ITPR2: variants seen among roughly 807,000 people sequenced by gnomAD.
ITPR2 encodes inositol 1,4,5-trisphosphate receptor type 2, also known as inositol 1,4,5-trisphosphate-gated calcium channel ITPR2.
A neutral mutation model predicts 317.1 loss-of-function variants in ITPR2; 207 were observed. The observed-to-expected ratio is 0.65, with a 90% confidence interval of 0.58 to 0.73. The LOEUF (loss-of-function observed/expected upper bound fraction) is 0.73, where lower values mean the gene tolerates loss of function less well. Among genes scored for constraint, ITPR2 ranks in the 30% least tolerant of loss-of-function variants. ITPR2 has a pLI of 0.00. For synonymous variants in ITPR2, 1,156 were observed against 1,149.1 expected (o/e 1.01, Z -0.12); for missense variants, 2,613 against 3,284.0 (o/e 0.80, Z 4.99).
chr12:26,556,248 C>A lies in ITPR2; in HGVS notation c.4949G>T (p.Gly1650Val). 1 of 1,613,626 alleles carries A rather than the reference C, an allele frequency of 6.2e-7. No individual in the cohort carries two copies. Reference sequence around the variant, plus strand: ...ATCCACTTACTTCGACATGAAAGCGCCACATCTTATTCTTGCATCGCTTCC... The same window carrying A: ...ATCCACTTACTTCGACATGAAAGCGACACATCTTATTCTTGCATCGCTTCC... ...PEGSDARIRC[G>V]AFMSKLINHT... The change falls in exon 36 of 57, where the codon GGC becomes GTC. Residue 1650 changes from glycine (G) to valine (V), a missense_variant. Physicochemically the swap from Gly to Val is moderately radical, Grantham distance 109. Around this residue, in one of 9 missense-constraint regions of ITPR2, gnomAD observed 926 missense variants for 1,072.8 expected, o/e 0.86. Coordinates refer to ENST00000381340, the MANE Select transcript of ITPR2 (RefSeq NM_002223.4).
chr12:26,409,489 T>G (rs1191902210), intron 52 of ITPR2, among the ~76,000 whole-genome samples: 1 of 152,208 alleles, frequency 6.6e-6, no homozygotes, highest in Non-Finnish European at 1.5e-5. Flanking sequence ...CCTATGCATT[T>G]CTGGCACCCT....
chr12:26,511,875 G>T (rs1156449300), intron 37 of ITPR2, among the ~76,000 whole-genome samples: 2 of 152,026 alleles, frequency 1.3e-5, no homozygotes, highest in African/African-American at 4.8e-5. Flanking sequence ...TCGCCCTCAG[G>T]CCCCATCAGT....
intron 13 of ITPR2, among the ~76,000 whole-genome samples, chr12:26,674,265 T>C (rs545274505): frequency 2.2e-4 from 34 of 152,042 alleles, no homozygotes; most frequent in African/African-American, 7.7e-4. Flanking sequence ...AGAACAAAGC[T>C]GGAGGCATCA....
intron 54 of ITPR2, among the ~76,000 whole-genome samples, chr12:26,389,818 G>C (rs1444658556): frequency 6.6e-6 from 1 of 152,074 alleles, no homozygotes; most frequent in Non-Finnish European, 1.5e-5. Context: ...AAATGATTGT[G>C]TAAGAAAAAG....
chr12:26,672,018 C>T (rs1448263363), intron 13 of ITPR2, among the ~76,000 whole-genome samples: 1 of 151,996 alleles, frequency 6.6e-6, no homozygotes, highest in Non-Finnish European at 1.5e-5. Flanking sequence ...AATATATATG[C>T]ACCCAATACA....
intron 34 of ITPR2, among the ~76,000 whole-genome samples, chr12:26,568,676 G>C (rs547461419): frequency 2.0e-5 from 3 of 152,258 alleles, no homozygotes; most frequent in East Asian, 3.9e-4. Flanking sequence ...TGACAGGTAG[G>C]GGGGAAAGGC....
intron 2 of ITPR2, among the ~76,000 whole-genome samples, chr12:26,777,626 T>G (rs1046382784): frequency 6.6e-6 from 1 of 152,158 alleles, no homozygotes; most frequent in East Asian, 1.9e-4. Context: ...AATTGATAAA[T>G]GCATTCCTAC....
chr12:26,706,292 T>G (rs142352189), intron 9 of ITPR2, among the ~76,000 whole-genome samples: 1 of 152,214 alleles, frequency 6.6e-6, no homozygotes, highest in East Asian at 1.9e-4. Flanking sequence ...TCTGGAGTGG[T>G]CTTCTTTAAT....
chr12:26,565,268 G>C (rs1357222935), intron 34 of ITPR2, among the ~76,000 whole-genome samples: 1 of 152,046 alleles, frequency 6.6e-6, no homozygotes, highest in African/African-American at 2.4e-5. Context: ...AGAAACAAAT[G>C]AAAAAAGATC....
chr12:26,576,491 A>G (rs1945280061), intron 34 of ITPR2, among the ~76,000 whole-genome samples: 1 of 152,110 alleles, frequency 6.6e-6, no homozygotes, highest in African/African-American at 2.4e-5. Context: ...TTCAGTTCTA[A>G]AATCTTTAGG....
At chr12:26,734,248 T>C (rs4489841) in intron 2 of ITPR2, among the ~76,000 whole-genome samples, 2 of 152,222 alleles carry the variant, frequency 1.3e-5, no homozygotes, top group African/African-American at 2.4e-5. Context: ...CCCATCTTCA[T>C]AATTCAATAG....
Position 26,415,246 on chromosome 12 carries a change from C to T in ITPR2, c.7306+57G>A, listed in dbSNP as rs1940684801. On this transcript the variant is annotated intron_variant, in intron 51 of 56. Coordinates refer to ENST00000381340, the MANE Select transcript of ITPR2 (RefSeq NM_002223.4). ...GTTTATCTATGATCCTGTTAACAAG[C>T]TACACACAAGTCATATCTGCCATCA... The T allele has an allele frequency of 3.6e-6, 4 of 1,119,066 alleles. No homozygotes were observed. The Admixed American group carries it at 9.3e-5, about 26-fold the overall frequency. 69.3% of individuals were successfully genotyped at this position (1,119,066 alleles called of 1,614,324 possible).
intron 2 of ITPR2, among the ~76,000 whole-genome samples, chr12:26,728,669 C>G (rs1002793847): frequency 1.3e-5 from 2 of 152,180 alleles, no homozygotes; most frequent in African/African-American, 4.8e-5. Flanking sequence ...GGGCTGGTCA[C>G]ACATTTTGTC....
At chr12:26,428,624 G>C (rs1214722220) in intron 48 of ITPR2, among the ~76,000 whole-genome samples, 1 of 152,082 alleles carries the variant, frequency 6.6e-6, no homozygotes, top group East Asian at 1.9e-4. Context: ...GTGCATGAGT[G>C]TGTGTATTTG....
chr12:26,466,454 A>G (rs1591808503), intron 45 of ITPR2, among the ~76,000 whole-genome samples: 1 of 152,200 alleles, frequency 6.6e-6, no homozygotes, highest in Non-Finnish European at 1.5e-5. Flanking sequence ...TTTCCTTCTC[A>G]TGGCTTTTGA....
chr12:26,759,584 A>C (rs1949591415), intron 2 of ITPR2, among the ~76,000 whole-genome samples: 1 of 152,234 alleles, frequency 6.6e-6, no homozygotes, highest in South Asian at 2.1e-4. Context: ...TTATACTAAG[A>C]GCTGGAACAC....
intron 26 of ITPR2, among the ~76,000 whole-genome samples, chr12:26,616,289 C>T (rs1242715961): frequency 3.3e-5 from 5 of 152,012 alleles, no homozygotes; most frequent in Non-Finnish European, 7.4e-5. Flanking sequence ...AGGCACCCAC[C>T]ACCACACCCA....
At chr12:26,705,942 C>T (rs1948542141) in intron 9 of ITPR2, among the ~76,000 whole-genome samples, 1 of 152,224 alleles carries the variant, frequency 6.6e-6, no homozygotes, top group South Asian at 2.1e-4. Flanking sequence ...TGTAATATAG[C>T]CCTTTTAAAG....
intron 37 of ITPR2, among the ~76,000 whole-genome samples, chr12:26,535,988 A>G (rs911559535): frequency 5.3e-5 from 8 of 152,254 alleles, no homozygotes; most frequent in Admixed American, 2.0e-4. Context: ...AAGAGGCTAC[A>G]GACGATGAGA....
Sources: allele counts gnomAD v4.1 joint callset (sites outside exome capture counted in the v4.1 genomes callset), GRCh38; gene constraint gnomAD v4.1.1; regional missense constraint gnomAD v4.1.1; transcripts MANE v1.5; gene names NCBI Gene and HGNC (gene_info 2026-07-23, HGNC 2026-07-21).